PADI1: variants seen among roughly 807,000 people sequenced by gnomAD.
PADI1 encodes the protein protein-arginine deiminase type-1.
PADI1 carries 65 observed loss-of-function variants against 74.8 expected under a neutral mutation model. That is an observed-to-expected ratio of 0.87 (90% confidence interval 0.71 to 1.07). The LOEUF (loss-of-function observed/expected upper bound fraction) is 1.07, where lower values mean the gene tolerates loss of function less well. PADI1 is among the 50% of genes least tolerant of loss of function. PADI1 has a pLI of 0.00. For missense variants in PADI1, 943 were observed against 854.0 expected, an observed-to-expected ratio of 1.10 and a Z score of -1.30; for synonymous variants, 371 against 336.2, an observed-to-expected ratio of 1.10 and a Z score of -1.13.
intron 11 of PADI1, 81 bp downstream of exon 11, chr1:17,233,051 C>A (rs2072541699): frequency 1.6e-6 from 2 of 1,282,636 alleles, no homozygotes; most frequent in Non-Finnish European, 2.1e-6. Flanking sequence ...ATCACAAACA[C>A]AATTCCCCAG....
intron 11 of PADI1, among the ~76,000 whole-genome samples, 195 bp downstream of exon 11, chr1:17,233,165 C>T (rs1174956335): frequency 6.6e-6 from 1 of 152,230 alleles, no homozygotes; most frequent in Non-Finnish European, 1.5e-5. Context: ...AGAAAAGTCA[C>T]ACGCTTGTGG....
intron 1 of PADI1, among the ~76,000 whole-genome samples, chr1:17,218,725 G>A (rs1374039990): frequency 6.6e-6 from 1 of 152,216 alleles, no homozygotes; most frequent in Non-Finnish European, 1.5e-5. Flanking sequence ...GAATGAGTTT[G>A]GGGATGGGTG....
chr1:17,239,039 G>C (rs893411763), intron 13 of PADI1, among the ~76,000 whole-genome samples: 2 of 152,252 alleles, frequency 1.3e-5, no homozygotes, highest in African/African-American at 4.8e-5. Context: ...GGCTTGGACA[G>C]GGCTATGCAG....
In PADI1 at chr1:17,225,840, T is replaced by G. The variant is rs1269692621; in HGVS notation, c.438T>G (p.Tyr146Ter). The G allele has an allele frequency of 6.2e-7, 1 of 1,613,986 alleles. No individual in the cohort carries two copies. Among genetic ancestry groups the G allele is most frequent in the African/African-American group, 1.3e-5 (1 of 74,906 alleles). Reference protein sequence around the residue: ...KKTWRWGPEGYGAILLVNCDR... With the variant: ...KKTWRWGPEG ...CCTGGCGCTGGGGCCCTGAGGGCTA[T>G]GGGGCTATCTTGCTGGTGAACTGTG... Residue 146 changes from tyrosine (Y) to a stop codon, truncating the protein, a stop_gained, in exon 5 of 16, where the codon TAT becomes TAG. Coordinates refer to ENST00000375471, the MANE Select transcript of PADI1 (RefSeq NM_013358.3). LOFTEE classifies it high-confidence loss of function.
rs41265091 is a variant in PADI1, at chr1:17,240,462, G to A, written c.1633-173G>A. 2.4e-4 allele frequency: 151 copies of A among 636,670 alleles called. 1 individual carries two copies. Among genetic ancestry groups the A allele is most frequent in the Non-Finnish European group, 3.3e-4 (124 of 378,692 alleles). The allele number at this position is 636,670 out of a possible 1,614,324, so 39.4% of individuals were successfully genotyped here. ...CTAGCCTTGTGCACTTGAGCAGGTT[G>A]CCTGAGCCTCAGTTTCCCCCGGACA... is the stretch of plus-strand genomic sequence containing the variant. On this transcript the variant is annotated intron_variant, in intron 14 of 15. Coordinates refer to ENST00000375471, the MANE Select transcript of PADI1 (RefSeq NM_013358.3).
At chr1:17,205,995 C>A (rs2071673028) in intron 1 of PADI1, among the ~76,000 whole-genome samples, 1 of 152,178 alleles carries the variant, frequency 6.6e-6, no homozygotes, top group African/African-American at 2.4e-5. Context: ...CCAAATCTTT[C>A]CTGTGCTGGC....
At chr1:17,225,715 A>G in intron 4 of PADI1, 96 bp from the exon 5 acceptor site, 1 of 789,594 alleles carries the variant, frequency 1.3e-6, no homozygotes, top group South Asian at 1.6e-5. Flanking sequence ...ATGAAAATCT[A>G]TAATCTAATA....
At position 17,244,964 on chromosome 1, in the gene PADI1, T is replaced by C. The variant is rs1446762739; in HGVS notation, c.*721T>C. ...CTGGCTTCTCCCAGCTCAGAAATGC[T>C]GAGAAGCCAACGTGAGGCCTGAGGA... On this transcript the variant is annotated 3_prime_UTR_variant, in exon 16 of 16. Coordinates refer to ENST00000375471, the MANE Select transcript of PADI1 (RefSeq NM_013358.3). The C allele has an allele frequency of 5.8e-6, 1 of 172,958 alleles. No individual in the cohort carries two copies. Among genetic ancestry groups the C allele is most frequent in the Non-Finnish European group, 1.2e-5 (1 of 80,666 alleles). 10.7% of individuals were successfully genotyped at this position (172,958 alleles called of 1,614,324 possible).
chr1:17,227,566 TAAATAAATA>T (rs1557468509), intron 6 of PADI1, among the ~76,000 whole-genome samples: 380 of 147,434 alleles, frequency 2.6e-3, no homozygotes, highest in Middle Eastern at 0.025. Context: ...AATAAATAAA[TAAATAAATA>T]AATAAATTAC....
rs768100569 is a variant in PADI1 at position 17,223,708 on chromosome 1, C to G, written c.346+15C>G. On this transcript the variant is annotated intron_variant, in intron 3 of 15. Transcript: ENST00000375471. The stretch of plus-strand genomic sequence containing the variant: ...CACTGGCGTCGGTAAGTAGCAGCTC[C>G]CTGGCTGCCCATCTATCCCTTTGCC... The G allele has an allele frequency of 6.2e-7, 1 of 1,607,724 alleles. No individual in the cohort carries two copies. The highest frequency in any genetic ancestry group is 8.5e-7 in the Non-Finnish European group (1 of 1,174,538).
At position 17,226,151 on chromosome 1, in the gene PADI1, T is replaced by C; in HGVS notation, c.645T>C (p.Cys215=). 1 of 1,614,124 alleles carries C rather than the reference T, an allele frequency of 6.2e-7. No individual in the cohort carries two copies. The highest frequency in any genetic ancestry group is 1.1e-5 in the South Asian group (1 of 91,070). ...FSDSKRVRVF[C]ARGGNSLSDY... Reference sequence around the variant, plus strand: ...ATTCCAAAAGAGTGAGGGTCTTCTGTGCCAGGGGTGAGTGGCCTGATGGGG... The same window carrying C: ...ATTCCAAAAGAGTGAGGGTCTTCTGCGCCAGGGGTGAGTGGCCTGATGGGG... The change falls in exon 6 of 16, where the codon TGT becomes TGC. Residue 215 remains cysteine, a synonymous_variant. Transcript: ENST00000375471.
At chr1:17,209,225 C>G (rs12081883) in intron 1 of PADI1, among the ~76,000 whole-genome samples, 31,652 of 152,194 alleles carry the variant, frequency 0.21, 3,521 homozygotes, top group Middle Eastern at 0.26. Context: ...GACACTGACA[C>G]TAATTTCCAG....
In PADI1 at chr1:17,208,848, C is replaced by T. The variant is rs540788145; in HGVS notation, c.92+3539C>T. Among the ~76,000 whole-genome samples the T allele has an allele frequency of 3.9e-5, 6 of 152,328 alleles. No individual in the cohort carries two copies. In the South Asian group the frequency reaches 1.2e-3, roughly 32 times the overall value. On this transcript the variant is annotated intron_variant, in intron 1 of 15. Transcript: ENST00000375471. ...CTCCTTGACTGCCCAGAGGCCAGAA[C>T]CAGAGCCTGAGGCTGGAGACCATAA...
chr1:17,215,019 A>G (rs1364529528), intron 1 of PADI1, among the ~76,000 whole-genome samples: 1 of 152,146 alleles, frequency 6.6e-6, no homozygotes, highest in Non-Finnish European at 1.5e-5. Context: ...GCTGACCTGG[A>G]TGGGGGTGAT....
chr1:17,240,871 C>G, intron 15 of PADI1, 111 bp downstream of exon 15: 1 of 1,187,678 alleles, frequency 8.4e-7, no homozygotes, highest in Non-Finnish European at 1.2e-6. Context: ...GCGGACCTCT[C>G]CAGTGTCTGT....
Position 17,232,868 on chromosome 1 carries a change from C to T in PADI1, c.1211C>T (p.Ser404Phe), listed in dbSNP as rs370659606. ...CGGGAGATCCCGCTCCCTGGTCCCT[C>T]CAGCCTTGACTCCTTCGGCAACCTG... is the stretch of plus-strand genomic sequence containing the variant. ...VTREIPLPGP[S>F]SLDSFGNLDV... The change falls in exon 11 of 16, where the codon TCC (serine) becomes TTC (phenylalanine). Residue 404 changes from serine (S) to phenylalanine (F), a missense_variant. Coordinates refer to ENST00000375471, the MANE Select transcript of PADI1 (RefSeq NM_013358.3). 2 of 1,613,636 alleles carry T rather than the reference C, an allele frequency of 1.2e-6. No homozygotes were observed. Among genetic ancestry groups the T allele is most frequent in the African/African-American group, 2.7e-5 (2 of 74,880 alleles).
rs552942483 is a variant in PADI1 at position 17,225,381 on chromosome 1, A to G, written c.409-430A>G. 2.0e-5 allele frequency among the ~76,000 whole-genome samples: 3 copies of G among 152,228 alleles called. No individual in the cohort carries two copies. The South Asian group carries it at 6.2e-4, about 32-fold the overall frequency. On this transcript the variant is annotated intron_variant, in intron 4 of 15. Coordinates refer to ENST00000375471, the MANE Select transcript of PADI1 (RefSeq NM_013358.3). ...GCAGGACTGCATGCGGATGCCAGAG[A>G]TATCTATGGGACAGGTTCCAGGAGA... is the stretch of plus-strand genomic sequence containing the variant.
intron 11 of PADI1, 29 bp downstream of exon 11, chr1:17,232,999 G>A (rs2072539952): frequency 8.9e-6 from 14 of 1,568,678 alleles, no homozygotes; most frequent in Non-Finnish European, 1.1e-5. Flanking sequence ...AGGTGGGGAG[G>A]CACAAGGGAA....
In PADI1 at chr1:17,235,108, C is replaced by T. The variant is rs539096115; in HGVS notation, c.1313+2138C>T. Among the ~76,000 whole-genome samples, 6 of 144,988 alleles carry T rather than the reference C, an allele frequency of 4.1e-5. No individual in the cohort carries two copies. The East Asian group carries it at 8.5e-4, about 20-fold the overall frequency. ...CTCCAGCCTAGGTGACAGAGCAATA[C>T]TCCGTCTAAACAAACAAATAAATGA... On this transcript the variant is annotated intron_variant, in intron 11 of 15. Transcript: ENST00000375471.
Sources: gnomAD v4.1 joint callset for allele counts (sites outside exome capture counted in the v4.1 genomes callset) on GRCh38, gnomAD v4.1.1 for gene constraint, MANE v1.5 for transcripts, NCBI Gene and HGNC (gene_info 2026-07-23, HGNC 2026-07-21) for gene names.